Variants in TXNDC11 observed in about 807,000 individuals in gnomAD.
TXNDC11 encodes the protein thioredoxin domain containing 11.
TXNDC11 carries 68 observed loss-of-function variants against 78.0 expected under a neutral mutation model. That is an observed-to-expected ratio of 0.87 (90% confidence interval 0.72 to 1.07). The LOEUF (loss-of-function observed/expected upper bound fraction) is 1.07, where lower values mean the gene tolerates loss of function less well. TXNDC11 is among the 50% of genes least tolerant of loss of function. The pLI is 0.00. For missense variants in TXNDC11, 1,389 were observed against 1,221.8 expected (o/e 1.14, Z -2.04); for synonymous variants, 571 against 495.2 (o/e 1.15, Z -2.03).
intron 5 of TXNDC11, among the ~76,000 whole-genome samples, chr16:11,717,705 C>A (rs963807713): frequency 6.7e-6 from 1 of 149,962 alleles, no homozygotes; most frequent in African/African-American, 2.5e-5. Flanking sequence ...CCTGTAATCC[C>A]AGCTACTCGG....
intron 1 of TXNDC11, chr16:11,742,162 C>T: frequency 2.9e-6 from 1 of 348,790 alleles, no homozygotes; most frequent in Non-Finnish European, 5.2e-6. Context: ...GGTCCTACAG[C>T]CCGGGCCGAA....
chr16:11,740,313 C>T (rs1053448426), intron 1 of TXNDC11, among the ~76,000 whole-genome samples: 2 of 152,014 alleles, frequency 1.3e-5, no homozygotes, highest in Admixed American at 6.6e-5. Flanking sequence ...AAAATTAATC[C>T]GAGTCTATTA....
chr16:11,682,845 A>G (rs891123495), intron 11 of TXNDC11, among the ~76,000 whole-genome samples: 9 of 152,228 alleles, frequency 5.9e-5, no homozygotes, highest in Non-Finnish European at 1.2e-4. Context: ...CTACTACCAC[A>G]GAAGTACTCC....
At position 11,730,679 on chromosome 16, in the gene TXNDC11, T is replaced by C; in HGVS notation, c.665A>G (p.Gln222Arg). The C allele has an allele frequency of 6.2e-7, 1 of 1,613,664 alleles. No individual in the cohort carries two copies. The highest frequency in any genetic ancestry group is 8.5e-7 in the Non-Finnish European group (1 of 1,179,728). Residue 222 changes from glutamine to arginine, a missense_variant, in exon 4 of 12, where the codon CAA becomes CGA. Gln to Arg is a conservative substitution (Grantham distance 43, BLOSUM62 1). Transcript: ENST00000283033. Reference protein sequence around the residue: ...VMKPLLYIPSQSELLDFLSNY... With the variant: ...VMKPLLYIPSRSELLDFLSNY... ...TGAGAGAAAATCTAGTAATTCTGAT[T>C]GAGATGGGATGTAGAGAAGTGGTTT...
intron 5 of TXNDC11, among the ~76,000 whole-genome samples, chr16:11,705,503 A>C (rs2051155791): frequency 6.6e-6 from 1 of 152,038 alleles, no homozygotes; most frequent in South Asian, 2.1e-4. Context: ...AAAGAAGAGA[A>C]GGAAAAGCAG....
chr16:11,689,321 C>T (rs975800857), intron 8 of TXNDC11, among the ~76,000 whole-genome samples: 15 of 152,052 alleles, frequency 9.9e-5, no homozygotes, highest in Admixed American at 6.6e-4. Flanking sequence ...ATGCAGCGTG[C>T]AGAATGGAAG....
At chr16:11,697,648 G>A (rs1597429372) in intron 7 of TXNDC11, among the ~76,000 whole-genome samples, 1 of 152,186 alleles carries the variant, frequency 6.6e-6, no homozygotes, top group East Asian at 1.9e-4. Flanking sequence ...GAGAAACAAG[G>A]TGTCCCAACA....
At chr16:11,692,389 T>A (rs965324276) in intron 7 of TXNDC11, 2 of 300,660 alleles carry the variant, frequency 6.7e-6, no homozygotes, top group Admixed American at 9.1e-5. Flanking sequence ...TGTCTCAGTA[T>A]CACAGTGCTT....
intron 5 of TXNDC11, among the ~76,000 whole-genome samples, chr16:11,706,845 A>G (rs535403944): frequency 1.1e-4 from 17 of 152,268 alleles, no homozygotes; most frequent in Admixed American, 9.2e-4. Context: ...TTAATATATG[A>G]CTACAGCTGA....
intron 11 of TXNDC11, among the ~76,000 whole-genome samples, chr16:11,680,205 A>T (rs528873904): frequency 4.6e-5 from 7 of 152,344 alleles, no homozygotes; most frequent in Non-Finnish European, 8.8e-5. Context: ...CTGTGTCAGG[A>T]AGAGCGTCCA....
chr16:11,699,815 G>C (rs1217017770), intron 6 of TXNDC11, among the ~76,000 whole-genome samples: 1 of 152,230 alleles, frequency 6.6e-6, no homozygotes, highest in African/African-American at 2.4e-5. Context: ...AATACTTCAG[G>C]AAAGTCAACT....
Position 11,688,292 on chromosome 16 carries a change from T to C in TXNDC11, c.2043+11A>G. On this transcript the variant is annotated intron_variant, in intron 9 of 11. Transcript: ENST00000283033. ...CAGATGGCTTAACTTTTGCCTCTCA[T>C]GACTCCATACCTGTTTTTGAAGGAC... The C allele has an allele frequency of 1.2e-6, 2 of 1,609,946 alleles. No homozygotes were observed. Among genetic ancestry groups the C allele is most frequent in the Non-Finnish European group, 1.7e-6 (2 of 1,178,456 alleles).
chr16:11,688,323 C>T lies in TXNDC11; in HGVS notation c.2023G>A (p.Glu675Lys). The T allele has an allele frequency of 1.2e-6, 2 of 1,613,992 alleles. No individual in the cohort carries two copies. Among genetic ancestry groups the T allele is most frequent in the Non-Finnish European group, 1.7e-6 (2 of 1,179,990 alleles). Reference sequence around the variant, plus strand: ...CATACCTGTTTTTGAAGGACTACTTCCCAAAAGGTATCAGTTGTCACTTCA... The same window carrying T: ...CATACCTGTTTTTGAAGGACTACTTTCCAAAAGGTATCAGTTGTCACTTCA... The part of the protein sequence containing the change: ...ITEVTTDTFW[E>K]VVLQKQDVLL... Residue 675 changes from glutamate to lysine, a missense_variant, in exon 9 of 12, where the codon GAA (glutamate) becomes AAA (lysine). Transcript: ENST00000283033.
intron 4 of TXNDC11, among the ~76,000 whole-genome samples, chr16:11,729,021 A>G (rs909167959): frequency 6.6e-6 from 1 of 152,090 alleles, no homozygotes; most frequent in African/African-American, 2.4e-5. Context: ...TCAATCAATC[A>G]ATCAATCAAT....
At chr16:11,731,484 T>A (rs1395306959) in intron 3 of TXNDC11, among the ~76,000 whole-genome samples, 1 of 152,154 alleles carries the variant, frequency 6.6e-6, no homozygotes. Flanking sequence ...CTCTTCAGTC[T>A]CACACAATAC....
In TXNDC11 at chr16:11,703,543, C is replaced by G. The variant is rs546933099; in HGVS notation, c.794-2979G>C. The G allele has an allele frequency of 3.9e-3, 2,076 of 526,858 alleles. 37 individuals carry two copies. The highest frequency in any genetic ancestry group is 0.037 in the African/African-American group (1,879 of 50,434). 32.6% of individuals were successfully genotyped at this position (526,858 alleles called of 1,614,324 possible). ...ACACACACACACACACACACACACA[C>G]AGAGGGAGAGAGAGGGGATGGATAG... On this transcript the variant is annotated intron_variant, in intron 5 of 11. Transcript: ENST00000283033.
rs1423254196 is a variant in TXNDC11 at position 11,679,487 on chromosome 16, A to C, written c.2585T>G (p.Leu862Arg). 8.1e-6 allele frequency: 13 copies of C among 1,613,468 alleles called. No homozygotes were observed. Among genetic ancestry groups the C allele is most frequent in the Non-Finnish European group, 1.1e-5 (13 of 1,179,982 alleles). Residue 862 changes from leucine to arginine, a missense_variant, in exon 12 of 12, where the codon CTC becomes CGC. Coordinates refer to ENST00000283033, the MANE Select transcript of TXNDC11 (RefSeq NM_015914.7). The surrounding 1 kb of genome is among the most constrained non-coding windows in gnomAD (Gnocchi z 4.6). ...LHAHSEQLQA[L>R]YEQKTRELQE... The stretch of plus-strand genomic sequence containing the variant: ...CAGCTCACGTGTCTTCTGCTCATAG[A>C]GGGCCTGCAGCTGCTCACTGTGTGC...
chr16:11,740,919 G>A (rs746630185), intron 1 of TXNDC11, among the ~76,000 whole-genome samples: 7 of 152,188 alleles, frequency 4.6e-5, no homozygotes, highest in Admixed American at 6.5e-5. Flanking sequence ...TGGTTCCCAA[G>A]CAGGCAATTT....
At chr16:11,738,146 G>C (rs1308589321) in intron 1 of TXNDC11, among the ~76,000 whole-genome samples, 1 of 152,140 alleles carries the variant, frequency 6.6e-6, no homozygotes, top group Non-Finnish European at 1.5e-5. Context: ...CTATAACTTG[G>C]ATGAGTCTCA....
Sources: gnomAD v4.1 joint callset for allele counts (sites outside exome capture counted in the v4.1 genomes callset) on GRCh38, gnomAD v4.1.1 for gene constraint, Gnocchi (gnomAD v3.1) non-coding constraint, MANE v1.5 for transcripts, NCBI Gene and HGNC (gene_info 2026-07-23, HGNC 2026-07-21) for gene names.